Variants in TSPAN11 observed in about 807,000 individuals in gnomAD.
TSPAN11 encodes the protein tetraspanin-11.
TSPAN11 carries 29 observed loss-of-function variants against 32.9 expected under a neutral mutation model. That is an observed-to-expected ratio of 0.88 (90% confidence interval 0.66 to 1.20). The LOEUF is 1.20. Among genes scored for constraint, TSPAN11 ranks in the 50% most tolerant of loss-of-function variants. The pLI, the probability that TSPAN11 is intolerant of heterozygous loss-of-function variation, is 0.00. For missense variants in TSPAN11, 283 were observed against 329.1 expected, an observed-to-expected ratio of 0.86 and a Z score of 1.08; for synonymous variants, 140 against 141.3, an observed-to-expected ratio of 0.99 and a Z score of 0.07.
intron 2 of TSPAN11, among the ~76,000 whole-genome samples, chr12:30,957,227 G>GCCC (rs1938496665): frequency 5.0e-5 from 3 of 59,764 alleles, no homozygotes; most frequent in Admixed American, 2.0e-4. Flanking sequence ...AATGGCCTGG[G>GCCC]ACCCCCCCCC....
At chr12:30,965,015 G>A (rs1438102948) in intron 3 of TSPAN11, among the ~76,000 whole-genome samples, 2 of 152,220 alleles carry the variant, frequency 1.3e-5, no homozygotes, top group East Asian at 3.9e-4. Context: ...CCAGCAGGGT[G>A]ATGCAGGTCG....
intron 1 of TSPAN11, among the ~76,000 whole-genome samples, chr12:30,950,718 A>G (rs987528476): frequency 5.3e-5 from 8 of 152,170 alleles, no homozygotes; most frequent in African/African-American, 1.9e-4. Flanking sequence ...CCTTGAACTT[A>G]TTGACCTGCC....
chr12:30,977,589 G>A (rs1015207329), intron 3 of TSPAN11, among the ~76,000 whole-genome samples: 4 of 152,088 alleles, frequency 2.6e-5, no homozygotes, highest in African/African-American at 7.2e-5. Flanking sequence ...TGTGAGCTCC[G>A]TGGCTGCCTG....
At chr12:31,003,032 T>A in the TSPAN11 span, among the ~76,000 whole-genome samples, 2 of 152,228 alleles carry the variant, frequency 1.3e-5, no homozygotes, top group Non-Finnish European at 2.9e-5. Context: ...AAAGAAAGGC[T>A]GAGTCCACAT....
chr12:30,963,869 T>A lies in TSPAN11; in HGVS notation c.128T>A (p.Val43Glu). The part of the protein sequence containing the change: ...AVLAVGIWTL[V>E]EKSGYLSVLA... ...CTGGCTGTGGGCATCTGGACCCTGG[T>A]GGAGAAGAGTGGCTACCTCAGCGTC... Residue 43 changes from valine (V) to glutamate (E), a missense_variant, in exon 3 of 8, where the codon GTG becomes GAG. Coordinates refer to ENST00000546076, the MANE Select transcript of TSPAN11 (RefSeq NM_001370302.1). The A allele has an allele frequency of 6.2e-7, 1 of 1,612,248 alleles. No homozygotes were observed. Among genetic ancestry groups the A allele is most frequent in the Non-Finnish European group, 8.5e-7 (1 of 1,180,014 alleles).
the TSPAN11 span, chr12:31,012,372 G>C: frequency 6.6e-6 from 1 of 152,354 alleles, no homozygotes; most frequent in East Asian, 1.9e-4. Flanking sequence ...TCACACAACA[G>C]TCAACACACA....
chr12:30,945,443 A>G (rs1016086314), intron 1 of TSPAN11, among the ~76,000 whole-genome samples: 1 of 151,808 alleles, frequency 6.6e-6, no homozygotes, highest in African/African-American at 2.4e-5. Flanking sequence ...AATGCCTTGT[A>G]TTTATGTCTG....
Position 30,992,070 on chromosome 12 carries a change from T to G in TSPAN11, c.*155T>G. ...CGAATCCACCGAGTGCCTGAGACCA[T>G]AGCTTCTGTGCCCACCCAGGCAGAG... On this transcript the variant is annotated 3_prime_UTR_variant, in exon 8 of 8. Coordinates refer to ENST00000546076, the MANE Select transcript of TSPAN11 (RefSeq NM_001370302.1). The G allele has an allele frequency of 1.6e-6, 1 of 625,490 alleles. No individual in the cohort carries two copies. The highest frequency in any genetic ancestry group is 2.5e-6 in the Non-Finnish European group (1 of 398,998). 38.7% of individuals were successfully genotyped at this position (625,490 alleles called of 1,614,324 possible).
the TSPAN11 span, among the ~76,000 whole-genome samples, chr12:31,014,991 T>C: frequency 6.6e-6 from 1 of 152,210 alleles, no homozygotes; most frequent in East Asian, 1.9e-4. Context: ...GACTCCTCAG[T>C]TCCCCAGTGG....
intron 7 of TSPAN11, among the ~76,000 whole-genome samples, chr12:30,984,551 GC>G (rs1939161821): frequency 9.0e-5 from 9 of 99,526 alleles, no homozygotes; most frequent in Non-Finnish European, 1.5e-4. Flanking sequence ...TTCGCTTTTT[GC>G]TTTTTTTTTT....
At chr12:30,951,205 C>T (rs1185525316) in intron 1 of TSPAN11, among the ~76,000 whole-genome samples, 1 of 152,112 alleles carries the variant, frequency 6.6e-6, no homozygotes, top group African/African-American at 2.4e-5. Flanking sequence ...AAAAATGATC[C>T]TTGTAAGAAG....
chr12:31,009,853 C>A, the TSPAN11 span, among the ~76,000 whole-genome samples: 1 of 152,194 alleles, frequency 6.6e-6, no homozygotes, highest in Non-Finnish European at 1.5e-5. Context: ...GTTTTTCCAT[C>A]TATAAAACAA....
At chr12:30,945,817 G>A (rs975470673) in intron 1 of TSPAN11, among the ~76,000 whole-genome samples, 2 of 151,864 alleles carry the variant, frequency 1.3e-5, no homozygotes, top group Non-Finnish European at 2.9e-5. Context: ...CTGAGATGTC[G>A]TATGGTGTGG....
chr12:30,964,209 G>A (rs753323156), intron 3 of TSPAN11, among the ~76,000 whole-genome samples, 192 bp downstream of exon 3: 16 of 152,156 alleles, frequency 1.1e-4, no homozygotes, highest in Non-Finnish European at 1.5e-4. Flanking sequence ...GCAAGCAGGC[G>A]TCTCAGTAGC....
the TSPAN11 span, among the ~76,000 whole-genome samples, chr12:31,009,753 A>G: frequency 6.6e-6 from 1 of 152,218 alleles, no homozygotes; most frequent in Non-Finnish European, 1.5e-5. Flanking sequence ...TAGACGAAGC[A>G]GTGTCATAAG....
At chr12:30,981,071 G>T (rs1340113211) in intron 5 of TSPAN11, among the ~76,000 whole-genome samples, 4 of 152,210 alleles carry the variant, frequency 2.6e-5, no homozygotes, top group African/African-American at 9.7e-5. Flanking sequence ...GGTGGGAGTG[G>T]CAGGTCAGGG....
chr12:30,989,990 T>G (rs998141553), intron 7 of TSPAN11, among the ~76,000 whole-genome samples: 1 of 152,188 alleles, frequency 6.6e-6, no homozygotes, highest in African/African-American at 2.4e-5. Context: ...GCTGGCCTTG[T>G]GTTGTCTCTG....
chr12:30,983,448 C>G (rs765249452), intron 7 of TSPAN11, among the ~76,000 whole-genome samples: 3 of 152,028 alleles, frequency 2.0e-5, no homozygotes, highest in Non-Finnish European at 4.4e-5. Flanking sequence ...TGTGTGTGCA[C>G]GTGGGGGTGA....
Position 30,994,370 on chromosome 12 carries a change from C to T in TSPAN11, c.*2455C>T, listed in dbSNP as rs1221774439. The T allele has an allele frequency of 6.6e-6, 1 of 152,198 alleles. No homozygotes were observed. Among genetic ancestry groups the T allele is most frequent in the African/African-American group, 2.4e-5 (1 of 41,428 alleles). 9.4% of individuals were successfully genotyped at this position (152,198 alleles called of 1,614,324 possible). On this transcript the variant is annotated 3_prime_UTR_variant, in exon 8 of 8. Coordinates refer to ENST00000546076, the MANE Select transcript of TSPAN11 (RefSeq NM_001370302.1). ...GAGAGAGGACACGCCTGTGGAATGT[C>T]ACCTTCAGTCCCGTGCAGGCAAAAG...
Sources: gnomAD v4.1 joint callset for allele counts (sites outside exome capture counted in the v4.1 genomes callset) on GRCh38, gnomAD v4.1.1 for gene constraint, MANE v1.5 for transcripts, NCBI Gene and HGNC (gene_info 2026-07-23, HGNC 2026-07-21) for gene names.